Variants in PLOD1 observed in about 807,000 individuals in gnomAD.
The protein encoded by PLOD1 is lysine hydroxylase.
PLOD1 carries 70 observed loss-of-function variants against 94.7 expected under a neutral mutation model. The observed-to-expected ratio is 0.74, with a 90% CI of 0.61 to 0.90. The LOEUF is 0.90. Ranked by LOEUF, PLOD1 falls within the 40% of genes least tolerant of loss-of-function variation. The pLI is 0.00. For synonymous variants in PLOD1, 417 were observed against 400.2 expected (o/e 1.04, Z -0.50); for missense variants, 905 against 972.7 (o/e 0.93, Z 0.93).
At chr1:11,973,327 C>G (rs1377088744) in intron 18 of PLOD1, among the ~76,000 whole-genome samples, 2 of 152,046 alleles carry the variant, frequency 1.3e-5, no homozygotes, top group Non-Finnish European at 2.9e-5. Flanking sequence ...TGGCGAAACC[C>G]CATTTCCACT....
In PLOD1 at chr1:11,964,188, C is replaced by T. The variant is rs760764359; in HGVS notation, c.1216C>T (p.Pro406Ser). 14 of 1,613,946 alleles carry T rather than the reference C, an allele frequency of 8.7e-6. No individual in the cohort carries two copies. In the East Asian group the frequency reaches 2.7e-4, roughly 31 times the overall value. Residue 406 changes from proline to serine, a missense_variant, in exon 12 of 19, where the codon CCG becomes TCG. Pro to Ser is a moderately conservative substitution (Grantham distance 74). Transcript: ENST00000196061. ...LIQQNKNVIA[P>S]LMTRHGRLWS... ...CCCTTCCCTCAGGAACGTCATTGCC[C>T]CGCTGATGACCCGGCATGGGAGGCT... is the stretch of plus-strand genomic sequence containing the variant.
intron 16 of PLOD1, among the ~76,000 whole-genome samples, chr1:11,969,507 CTTGTGCTCCAGTGA>C (rs1482859028): frequency 6.6e-6 from 1 of 152,176 alleles, no homozygotes; most frequent in African/African-American, 2.4e-5. Context: ...CTGGCTGATG[CTTGTGCTCCAGTGA>C]CAGGGCCAGA....
chr1:11,975,185 G>C lies in PLOD1; in HGVS notation c.*377G>C. On this transcript the variant is annotated 3_prime_UTR_variant, in exon 19 of 19. Coordinates refer to ENST00000196061, the MANE Select transcript of PLOD1 (RefSeq NM_000302.4). ...CAAGTTGCCCAGAAAGACTGTCTGG[G>C]TGAGAAGCCATGGCCAGAGCTTCTC... The C allele has an allele frequency of 3.0e-6, 1 of 335,930 alleles. No homozygotes were observed. Among genetic ancestry groups the C allele is most frequent in the Non-Finnish European group, 5.8e-6 (1 of 172,210 alleles). The allele number at this position is 335,930 out of a possible 1,614,324, so 20.8% of individuals were successfully genotyped here.
chr1:11,970,625 G>A (rs1569736548), intron 16 of PLOD1, 45 bp from the exon 17 acceptor site: 5 of 1,599,138 alleles, frequency 3.1e-6, no homozygotes, highest in Middle Eastern at 1.7e-4. Flanking sequence ...GAGCCTGGGG[G>A]CCATCCTAGA....
rs764179880 is a variant in PLOD1 at position 11,963,607 on chromosome 1, C to G, written c.1173C>G (p.Asn391Lys). 10 of 1,600,458 alleles carry G rather than the reference C, an allele frequency of 6.2e-6. No individual in the cohort carries two copies. Among genetic ancestry groups the G allele is most frequent in the Non-Finnish European group, 8.5e-6 (10 of 1,174,310 alleles). ...VDADVALTEP[N>K]SLRLLIQQNK... is the part of the protein sequence containing the mutation. ...CTGACGTGGCCCTGACCGAGCCCAA[C>G]AGCCTGCGGCTGCTGATCCAACAGA... The change falls in exon 11 of 19, where the codon AAC (asparagine) becomes AAG (lysine). Residue 391 changes from asparagine (N) to lysine (K), a missense_variant. Coordinates refer to ENST00000196061, the MANE Select transcript of PLOD1 (RefSeq NM_000302.4). This position sits in a 1 kb window ranked among gnomAD's most constrained non-coding sequence, Gnocchi z 4.3.
chr1:11,956,895 G>C (rs1303359037), intron 6 of PLOD1, 22 bp from the exon 7 acceptor site: 1 of 1,547,776 alleles, frequency 6.5e-7, no homozygotes, highest in Non-Finnish European at 8.9e-7. Context: ...TGCTGGGTGG[G>C]ACTGTGCTTT....
intron 16 of PLOD1, among the ~76,000 whole-genome samples, chr1:11,967,595 G>GTA (rs1476328657): frequency 2.0e-4 from 10 of 50,628 alleles, no homozygotes; most frequent in African/African-American, 9.9e-4. Flanking sequence ...GTGTGTGTGT[G>GTA]TGTATATATA....
intron 4 of PLOD1, among the ~76,000 whole-genome samples, chr1:11,951,074 A>G (rs1312272422): frequency 6.6e-6 from 1 of 151,920 alleles, no homozygotes; most frequent in Non-Finnish European, 1.5e-5. Context: ...GATTATAGGC[A>G]TGAGTCACCA....
At chr1:11,946,912 G>A (rs114550471) in intron 1 of PLOD1, among the ~76,000 whole-genome samples, 2,675 of 152,250 alleles carry the variant, frequency 0.018, 83 homozygotes, top group African/African-American at 0.06. Flanking sequence ...TTGACTCATG[G>A]CAGGCATGTC....
intron 6 of PLOD1, among the ~76,000 whole-genome samples, chr1:11,956,636 C>T (rs1018872586): frequency 6.6e-6 from 1 of 152,078 alleles, no homozygotes; most frequent in Non-Finnish European, 1.5e-5. Flanking sequence ...CTGCTTCTGA[C>T]TGTAAGTAAC....
At chr1:11,950,852 G>A (rs1645695899) in intron 4 of PLOD1, among the ~76,000 whole-genome samples, 1 of 152,106 alleles carries the variant, frequency 6.6e-6, no homozygotes, top group South Asian at 2.1e-4. Context: ...GGAGTGCAGT[G>A]GTGGGATCTC....
At chr1:11,950,282 T>G in intron 3 of PLOD1, 75 bp from the exon 4 acceptor site, 1 of 1,415,898 alleles carries the variant, frequency 7.1e-7, no homozygotes, top group Non-Finnish European at 9.9e-7. Flanking sequence ...TGATCCCTGG[T>G]CCCTCCTGTC....
intron 9 of PLOD1, among the ~76,000 whole-genome samples, chr1:11,959,338 G>T (rs1264729718): frequency 6.6e-6 from 1 of 152,036 alleles, no homozygotes; most frequent in Non-Finnish European, 1.5e-5. Flanking sequence ...TGCACAGGAC[G>T]CATCTAGTTG....
chr1:11,945,278 GTGGGGTGCACC>G, intron 1 of PLOD1, among the ~76,000 whole-genome samples: 1 of 152,046 alleles, frequency 6.6e-6, no homozygotes, highest in East Asian at 1.9e-4. Flanking sequence ...GCTGGGCTTG[GTGGGGTGCACC>G]TGCAGTCCCT....
rs184999645 is a variant in PLOD1, at chr1:11,957,924, G to T, written c.824G>T (p.Arg275Leu). 1.9e-6 allele frequency: 3 copies of T among 1,612,852 alleles called. No homozygotes were observed. The highest frequency in any genetic ancestry group is 1.3e-5 in the African/African-American group (1 of 74,996). The stretch of plus-strand genomic sequence containing the variant: ...TGCACCGTGTGTGACGAAGGCTTGC[G>T]CAGCCTCAAGGGCATTGGGGTGAGG... The part of the protein sequence containing the change: ...TGCTVCDEGL[R>L]SLKGIGDEAL... The change falls in exon 8 of 19, where the codon CGC becomes CTC. Residue 275 changes from arginine to leucine, a missense_variant. Arg to Leu is a moderately radical substitution (Grantham distance 102). Coordinates refer to ENST00000196061, the MANE Select transcript of PLOD1 (RefSeq NM_000302.4). The surrounding 1 kb of genome is among the most constrained non-coding windows in gnomAD (Gnocchi z 4.1).
chr1:11,947,663 A>G (rs532159034), intron 1 of PLOD1, among the ~76,000 whole-genome samples: 5 of 152,342 alleles, frequency 3.3e-5, no homozygotes, highest in African/African-American at 1.2e-4. Flanking sequence ...TGAGGGATCT[A>G]CCTCTGTGAC....
chr1:11,960,791 T>A (rs1645773230), intron 10 of PLOD1, 24 bp downstream of exon 10: 2 of 1,611,794 alleles, frequency 1.2e-6, no homozygotes, highest in Non-Finnish European at 1.7e-6. Flanking sequence ...CACAGTACTC[T>A]CCACTGACAG....
At chr1:11,935,350 G>A (rs537661055) in intron 1 of PLOD1, among the ~76,000 whole-genome samples, 1 of 152,208 alleles carries the variant, frequency 6.6e-6, no homozygotes, top group South Asian at 2.1e-4. Context: ...ATGACCATGG[G>A]AATGAGGGGT....
chr1:11,944,424 C>T (rs1645635436), intron 1 of PLOD1: 1 of 215,562 alleles, frequency 4.6e-6, no homozygotes, highest in South Asian at 3.9e-5. Flanking sequence ...TGCACGCGTA[C>T]ACACACACAC....
Sources: allele counts gnomAD v4.1 joint callset (sites outside exome capture counted in the v4.1 genomes callset), GRCh38; gene constraint gnomAD v4.1.1; non-coding constraint Gnocchi (gnomAD v3.1); transcripts MANE v1.5; gene names NCBI Gene and HGNC (gene_info 2026-07-23, HGNC 2026-07-21).